The following PIK3R1 variants were observed in gnomAD, a reference collection of about 807,000 sequenced individuals.
PIK3R1 encodes the protein phosphatidylinositol 3-kinase regulatory subunit alpha.
Under a neutral mutation model 98.0 loss-of-function variants are expected in PIK3R1, and 29 were observed. That is an observed-to-expected ratio of 0.30 (90% CI 0.22 to 0.40). PIK3R1 has a LOEUF of 0.40. Ranked by LOEUF, PIK3R1 falls within the 10% of genes least tolerant of loss-of-function variation. PIK3R1 has a pLI of 1.00. For synonymous variants in PIK3R1, 282 were observed against 311.8 expected, an observed-to-expected ratio of 0.90 and a Z score of 1.01; for missense variants, 596 against 872.7, an observed-to-expected ratio of 0.68 and a Z score of 3.99.
intron 4 of PIK3R1, 91 bp from the exon 5 acceptor site, chr5:68,279,508 TTTG>T: frequency 2.9e-5 from 26 of 901,148 alleles, no homozygotes; most frequent in Middle Eastern, 2.4e-4. Context: ...TTTTTTTTTT[TTTG>T]TCACATGTGA....
At chr5:68,221,350 CTG>C (rs1744085547) in intron 1 of PIK3R1, among the ~76,000 whole-genome samples, 1 of 152,012 alleles carries the variant, frequency 6.6e-6, no homozygotes, top group African/African-American at 2.4e-5. Context: ...TTTTTAAAGA[CTG>C]TATGAATTTA....
chr5:68,268,836 G>C (rs541723967), intron 2 of PIK3R1, among the ~76,000 whole-genome samples: 5 of 152,148 alleles, frequency 3.3e-5, no homozygotes, highest in Non-Finnish European at 5.9e-5. Context: ...TAACGGTGTT[G>C]GCATCACTTA....
chr5:68,241,985 A>G (rs1418270441), intron 2 of PIK3R1, among the ~76,000 whole-genome samples: 1 of 152,264 alleles, frequency 6.6e-6, no homozygotes, highest in Non-Finnish European at 1.5e-5. Flanking sequence ...GTATCAAATC[A>G]GAGACTTATT....
chr5:68,232,462 T>C (rs1394678484), intron 2 of PIK3R1, among the ~76,000 whole-genome samples: 1 of 152,216 alleles, frequency 6.6e-6, no homozygotes, highest in Non-Finnish European at 1.5e-5. Flanking sequence ...AGGCACGCTC[T>C]GAGGGGCCTG....
rs779558614 is a variant in PIK3R1, at chr5:68,274,001, C to T, written c.490C>T (p.Leu164Phe). ...SSSNLAELRQ[L>F]LDCDTPSVDL... ...CAGCAACCTGGCAGAATTACGACAGCTTCTTGATTGTGGTGAGTGTCACAG... is the reference window on the plus strand; with the variant it reads ...CAGCAACCTGGCAGAATTACGACAGTTTCTTGATTGTGGTGAGTGTCACAG... Residue 164 changes from leucine to phenylalanine, a missense_variant, in exon 4 of 16, where the codon CTT (leucine) becomes TTT (phenylalanine). Leu to Phe is a conservative substitution (Grantham distance 22). This residue lies in a region of PIK3R1 where 352 missense variants were observed against 393.3 expected (regional missense o/e 0.90). Coordinates refer to ENST00000521381, the MANE Select transcript of PIK3R1 (RefSeq NM_181523.3). 1 of 1,613,430 alleles carries T rather than the reference C, an allele frequency of 6.2e-7. No homozygotes were observed. Among genetic ancestry groups the T allele is most frequent in the Non-Finnish European group, 8.5e-7 (1 of 1,179,352 alleles).
chr5:68,290,868 A>C (rs1269246873), intron 7 of PIK3R1: 2 of 1,435,770 alleles, frequency 1.4e-6, no homozygotes, highest in Non-Finnish European at 1.9e-6. Flanking sequence ...AGAGTTAGTT[A>C]ATTTCGTGGC....
chr5:68,283,195 CATT>C (rs1203537434), intron 7 of PIK3R1, among the ~76,000 whole-genome samples: 3 of 152,324 alleles, frequency 2.0e-5, no homozygotes, highest in Non-Finnish European at 4.4e-5. Context: ...TTTACAGTAA[CATT>C]GTTGTGAACA....
rs1201709322 is a variant in PIK3R1 at position 68,233,908 on chromosome 5, G to A, written c.334+6899G>A. Among the ~76,000 whole-genome samples, 6 of 152,294 alleles carry A rather than the reference G, an allele frequency of 3.9e-5. No individual in the cohort carries two copies. In the East Asian group the frequency reaches 1.2e-3, roughly 29 times the overall value. ...TTTCTTGCTTGGAGGTGTTTGCGAT[G>A]TATTTGTATTTGTCTGTCTATCTAT... On this transcript the variant is annotated intron_variant, in intron 2 of 15. Coordinates refer to ENST00000521381, the MANE Select transcript of PIK3R1 (RefSeq NM_181523.3).
chr5:68,286,801 A>G (rs1747097898), intron 7 of PIK3R1, among the ~76,000 whole-genome samples: 2 of 152,218 alleles, frequency 1.3e-5, no homozygotes, highest in Non-Finnish European at 2.9e-5. Flanking sequence ...GACATGAAAC[A>G]TCATGTGAAT....
rs763574306 is a variant in PIK3R1 at position 68,273,398 on chromosome 5, C to G, written c.343C>G (p.Leu115Val). Residue 115 changes from leucine (L) to valine (V), a missense_variant, in exon 3 of 16, where the codon CTC (leucine) becomes GTC (valine). Physicochemically the swap from Leu to Val is conservative, Grantham distance 32. This residue lies in a region of PIK3R1 where 352 missense variants were observed against 393.3 expected (regional missense o/e 0.90). Transcript: ENST00000521381. ...GATTTTGTTGTTTGCAGCTTTGACT[C>G]TCCCGGATCTTGCAGAGCAGTTTGC... ...EADVEQQALT[L>V]PDLAEQFAPP... is the part of the protein sequence containing the mutation. 14 of 1,613,904 alleles carry G rather than the reference C, an allele frequency of 8.7e-6. No individual in the cohort carries two copies. The highest frequency in any genetic ancestry group is 8.5e-6 in the Non-Finnish European group (10 of 1,179,920).
In PIK3R1 at chr5:68,280,738, A is replaced by G. The variant is rs755060325; in HGVS notation, c.836+9A>G. The G allele has an allele frequency of 6.2e-7, 1 of 1,612,056 alleles. No homozygotes were observed. The highest frequency in any genetic ancestry group is 2.2e-5 in the East Asian group (1 of 44,860). Reference sequence around the variant, plus strand: ...AGATTCTCAGCAGCCAGGTAAGTGAAAGGAGACAAACATGTATTTTGGGGT... The same window carrying G: ...AGATTCTCAGCAGCCAGGTAAGTGAGAGGAGACAAACATGTATTTTGGGGT... On this transcript the variant is annotated intron_variant, in intron 6 of 15. Transcript: ENST00000521381.
At chr5:68,247,138 C>T (rs1429801286) in intron 2 of PIK3R1, among the ~76,000 whole-genome samples, 3 of 152,180 alleles carry the variant, frequency 2.0e-5, no homozygotes, top group African/African-American at 7.2e-5. Flanking sequence ...TGATATGGAA[C>T]TTTTCCCTGT....
At chr5:68,249,279 G>T (rs1470318997) in intron 2 of PIK3R1, among the ~76,000 whole-genome samples, 2 of 152,320 alleles carry the variant, frequency 1.3e-5, no homozygotes, top group East Asian at 3.9e-4. Flanking sequence ...CACCAAAGAA[G>T]AGTAGAATTA....
At position 68,301,297 on chromosome 5, in the gene PIK3R1, A is replaced by G. The variant is rs1011686988; in HGVS notation, c.*3696A>G. ...AATTGGAAAGACTATCCAACTTAAC[A>G]TGAAACTTGTCACCATGAGATAGCA... is the stretch of plus-strand genomic sequence containing the variant. On this transcript the variant is annotated 3_prime_UTR_variant, in exon 16 of 16. Transcript: ENST00000521381. 14 of 181,844 alleles carry G rather than the reference A, an allele frequency of 7.7e-5. No individual in the cohort carries two copies. The highest frequency in any genetic ancestry group is 3.4e-4 in the African/African-American group (14 of 41,358). 11.3% of individuals were successfully genotyped at this position (181,844 alleles called of 1,614,324 possible).
chr5:68,301,392 GTATATATATATATATATATATATATATA>G lies in PIK3R1; in HGVS notation c.*3805_*3832del, dbSNP rs70987200. Reference sequence around the variant, plus strand: ...TGTGTGTGTGTGTGTGTGTGTGTGTGTATATATATATATATATATATATATATATATATATATATATGTGTGTGTATAT... The same window carrying G: ...TGTGTGTGTGTGTGTGTGTGTGTGTGTATATATATATATGTGTGTGTATAT... On this transcript the variant is annotated 3_prime_UTR_variant, in exon 16 of 16. Coordinates refer to ENST00000521381, the MANE Select transcript of PIK3R1 (RefSeq NM_181523.3). 6.6e-5 allele frequency: 3 copies of G among 45,306 alleles called. No individual in the cohort carries two copies. Among genetic ancestry groups the G allele is most frequent in the Non-Finnish European group, 1.1e-4 (3 of 27,064 alleles). The allele number at this position is 45,306 out of a possible 1,614,324, so 2.8% of individuals were successfully genotyped here.
At chr5:68,296,527 G>A (rs1387291032) in intron 15 of PIK3R1, among the ~76,000 whole-genome samples, 186 bp downstream of exon 15, 2 of 152,190 alleles carry the variant, frequency 1.3e-5, no homozygotes, top group Admixed American at 6.5e-5. Context: ...AGAAGTGTAT[G>A]TTAATACAGT....
chr5:68,299,983 AAC>A lies in PIK3R1; in HGVS notation c.*2384_*2385del, dbSNP rs1477917526. The A allele has an allele frequency of 1.7e-5, 4 of 233,088 alleles. No homozygotes were observed. The highest frequency in any genetic ancestry group is 8.8e-5 in the African/African-American group (4 of 45,346). The allele number at this position is 233,088 out of a possible 1,614,324, so 14.4% of individuals were successfully genotyped here. A position where few individuals can be genotyped will look rare whatever the true frequency, so the allele number is the denominator to read the frequency against. On this transcript the variant is annotated 3_prime_UTR_variant, in exon 16 of 16. Coordinates refer to ENST00000521381, the MANE Select transcript of PIK3R1 (RefSeq NM_181523.3). ...ACACAAGTCTAACAGTTAATTAGTT[AAC>A]AGTTTTTAAACTAGGTTTGTGGGTA...
chr5:68,247,901 C>A (rs550315514), intron 2 of PIK3R1, among the ~76,000 whole-genome samples: 98 of 152,214 alleles, frequency 6.4e-4, no homozygotes, highest in African/African-American at 2.3e-3. Context: ...GGCATCATTG[C>A]CCCAGAGTCA....
At chr5:68,223,353 A>G (rs1040622208) in intron 1 of PIK3R1, among the ~76,000 whole-genome samples, 11 of 151,376 alleles carry the variant, frequency 7.3e-5, no homozygotes, top group South Asian at 6.2e-4. Flanking sequence ...CCCCACCCCA[A>G]TGACTTGACT....
Sources: allele counts gnomAD v4.1 joint callset (sites outside exome capture counted in the v4.1 genomes callset), GRCh38; gene constraint gnomAD v4.1.1; regional missense constraint gnomAD v4.1.1; transcripts MANE v1.5; gene names NCBI Gene and HGNC (gene_info 2026-07-23, HGNC 2026-07-21).